TSHZ3: variants seen among roughly 807,000 people sequenced by gnomAD.
TSHZ3 encodes teashirt zinc finger homeobox 3.
Under a neutral mutation model 64.5 loss-of-function variants are expected in TSHZ3, and 10 were observed. That is an observed-to-expected ratio of 0.16 (90% CI 0.10 to 0.26). The LOEUF is 0.26. Among genes scored for constraint, TSHZ3 ranks in the 10% least tolerant of loss-of-function variants. The pLI is 1.00. For synonymous variants in TSHZ3, 608 were observed against 593.1 expected, an observed-to-expected ratio of 1.03 and a Z score of -0.36; for missense variants, 1,242 against 1,421.7, an observed-to-expected ratio of 0.87 and a Z score of 2.03.
intron 1 of TSHZ3, among the ~76,000 whole-genome samples, chr19:31,254,010 A>G (rs909928910): frequency 6.6e-6 from 1 of 152,136 alleles, no homozygotes; most frequent in Admixed American, 6.5e-5. Context: ...TTGTCTGAAC[A>G]CTACTCTCCT....
chr19:31,265,329 G>A (rs1305730131), intron 1 of TSHZ3, among the ~76,000 whole-genome samples: 1 of 144,978 alleles, frequency 6.9e-6, no homozygotes, highest in African/African-American at 2.6e-5. Flanking sequence ...CCTGGGAGGC[G>A]GAGGTTGCAG....
intron 4 of TSHZ3, among the ~76,000 whole-genome samples, chr19:31,227,217 C>A (rs1975479369): frequency 6.6e-6 from 1 of 151,760 alleles, no homozygotes. Flanking sequence ...TGACCTCAAG[C>A]CACCCACCCG....
intron 5 of TSHZ3, among the ~76,000 whole-genome samples, chr19:31,177,545 T>C (rs1442361002): frequency 2.0e-5 from 3 of 152,242 alleles, no homozygotes; most frequent in African/African-American, 7.2e-5. Context: ...GTCTCCTCTC[T>C]AGCTGCCTGT....
intron 1 of TSHZ3, among the ~76,000 whole-genome samples, chr19:31,297,667 T>C (rs1406554235): frequency 2.0e-5 from 3 of 152,034 alleles, no homozygotes; most frequent in Non-Finnish European, 4.4e-5. Flanking sequence ...AGGGTCTAGC[T>C]ATGTTGCCCA....
At chr19:31,229,262 C>T (rs180966010) in intron 3 of TSHZ3, among the ~76,000 whole-genome samples, 1 of 152,040 alleles carries the variant, frequency 6.6e-6, no homozygotes, top group Non-Finnish European at 1.5e-5. Context: ...TAAAGTTTGA[C>T]CAAACAGAAA....
chr19:31,329,014 T>A (rs1271695764), intron 1 of TSHZ3, among the ~76,000 whole-genome samples: 1 of 152,188 alleles, frequency 6.6e-6, no homozygotes, highest in African/African-American at 2.4e-5. Flanking sequence ...AGCTCCTGGA[T>A]GTCTACCTTA....
At chr19:31,345,081 C>T (rs1159854075) in intron 1 of TSHZ3, among the ~76,000 whole-genome samples, 2 of 152,156 alleles carry the variant, frequency 1.3e-5, no homozygotes, top group Non-Finnish European at 2.9e-5. Flanking sequence ...CTCTTCCCCA[C>T]GTGGACATCC....
At chr19:31,189,037 G>A (rs1974859948) in intron 5 of TSHZ3, among the ~76,000 whole-genome samples, 1 of 151,796 alleles carries the variant, frequency 6.6e-6, no homozygotes, top group Non-Finnish European at 1.5e-5. Flanking sequence ...TCAACTTTAA[G>A]TTGTTAAATA....
At chr19:31,174,997 G>A (rs1974587852) in intron 5 of TSHZ3, among the ~76,000 whole-genome samples, 1 of 152,200 alleles carries the variant, frequency 6.6e-6, no homozygotes, top group Admixed American at 6.5e-5. Context: ...GTCCCACACA[G>A]CAAATCAAAG....
At chr19:31,314,030 G>A (rs1428348461) in intron 1 of TSHZ3, among the ~76,000 whole-genome samples, 1 of 152,156 alleles carries the variant, frequency 6.6e-6, no homozygotes, top group Admixed American at 6.5e-5. Flanking sequence ...ATTTGGGAAA[G>A]GCAGGTCAGA....
chr19:31,232,161 T>C (rs1481529026), intron 3 of TSHZ3, among the ~76,000 whole-genome samples: 1 of 152,010 alleles, frequency 6.6e-6, no homozygotes, highest in Non-Finnish European at 1.5e-5. Context: ...GCCACAGCCT[T>C]CTCCAAGAAT....
chr19:31,315,710 C>T (rs1295445441), intron 1 of TSHZ3, among the ~76,000 whole-genome samples: 3 of 152,168 alleles, frequency 2.0e-5, no homozygotes, highest in African/African-American at 4.8e-5. Flanking sequence ...AACAGCAGTG[C>T]TCCGAGGCAA....
chr19:31,242,567 G>A (rs1282071734), exon 3 of TSHZ3, among the ~76,000 whole-genome samples: 3 of 152,284 alleles, frequency 2.0e-5, no homozygotes, highest in East Asian at 1.9e-4. Flanking sequence ...GCAGATGGGT[G>A]TCTCAGGTCT....
chr19:31,350,548 G>A (rs1337196020), upstream of TSHZ3, among the ~76,000 whole-genome samples: 2 of 151,500 alleles, frequency 1.3e-5, no homozygotes, highest in Non-Finnish European at 3.0e-5. Context: ...AGAGCCTAGG[G>A]GGCCGCCGCG....
intron 1 of TSHZ3, among the ~76,000 whole-genome samples, chr19:31,280,221 T>C (rs2145216771): frequency 6.6e-6 from 1 of 152,258 alleles, no homozygotes; most frequent in East Asian, 1.9e-4. Context: ...TTTTACTCAT[T>C]ACATTTTTGA....
rs183384618 is a variant in TSHZ3, at chr19:31,221,272, G to A, written n.686+6733C>T. Among the ~76,000 whole-genome samples the A allele has an allele frequency of 9.2e-5, 14 of 152,270 alleles. No individual in the cohort carries two copies. The East Asian group carries it at 2.7e-3, about 29-fold the overall frequency. On this transcript the variant is annotated intron_variant and non_coding_transcript_variant, in intron 4 of 6. Transcript: ENST00000651361. ...TTGGTGGTGGATAGAAAGCCAATTT[G>A]GGCCAGGGTTTCCAATAGATATGTG...
At chr19:31,335,892 T>C (rs368318977) in intron 1 of TSHZ3, among the ~76,000 whole-genome samples, 2 of 152,188 alleles carry the variant, frequency 1.3e-5, no homozygotes, top group South Asian at 2.1e-4. Flanking sequence ...CCACCTGAGA[T>C]TCCTCTGGGA....
chr19:31,272,343 G>C (rs1171914517), downstream of TSHZ3, among the ~76,000 whole-genome samples: 1 of 152,220 alleles, frequency 6.6e-6, no homozygotes, highest in Non-Finnish European at 1.5e-5. Context: ...CTGAACTTGA[G>C]GAAGGAACCA....
At chr19:31,226,300 C>T (rs377272948) in intron 4 of TSHZ3, among the ~76,000 whole-genome samples, 3 of 152,126 alleles carry the variant, frequency 2.0e-5, no homozygotes, top group East Asian at 1.9e-4. Flanking sequence ...ATAATTCCCA[C>T]GTGTTGTGGG....
Sources: allele counts gnomAD v4.1 joint callset (sites outside exome capture counted in the v4.1 genomes callset), GRCh38; gene constraint gnomAD v4.1.1; transcripts MANE v1.5; gene names NCBI Gene and HGNC (gene_info 2026-07-23, HGNC 2026-07-21).